DLGAP2: variants seen among roughly 807,000 people sequenced by gnomAD.
DLGAP2 encodes the protein disks large-associated protein 2.
Under a neutral mutation model 100.3 loss-of-function variants are expected in DLGAP2, and 26 were observed. The ratio of observed to expected loss-of-function variants is 0.26; its 90% CI spans 0.19 to 0.36. The LOEUF (loss-of-function observed/expected upper bound fraction) is 0.36. DLGAP2 is among the 10% of genes least tolerant of loss of function. The pLI, the probability that DLGAP2 is intolerant of heterozygous loss-of-function variation, is 1.00. For missense variants in DLGAP2, 1,858 were observed against 1,453.2 expected, an observed-to-expected ratio of 1.28 and a Z score of -4.53; for synonymous variants, 886 against 630.1, an observed-to-expected ratio of 1.41 and a Z score of -6.08.
chr8:1,217,812 A>G (rs1798242999), intron 2 of DLGAP2, among the ~76,000 whole-genome samples: 1 of 152,110 alleles, frequency 6.6e-6, no homozygotes. Flanking sequence ...CTGGTGTGAG[A>G]GGGTATCTCA....
intron 2 of DLGAP2, among the ~76,000 whole-genome samples, chr8:1,040,077 T>G (rs555852024): frequency 6.7e-6 from 1 of 149,554 alleles, no homozygotes; most frequent in East Asian, 2.0e-4. Context: ...TCGGTTTCCG[T>G]GGTCAGCTCG....
At chr8:815,031 C>T (rs574197247) in intron 1 of DLGAP2, among the ~76,000 whole-genome samples, 28 of 151,900 alleles carry the variant, frequency 1.8e-4, no homozygotes, top group South Asian at 4.2e-4. Flanking sequence ...GTTAACGGAG[C>T]GGATATATCT....
At chr8:761,494 A>C (rs866756853) in intron 1 of DLGAP2, among the ~76,000 whole-genome samples, 7 of 152,250 alleles carry the variant, frequency 4.6e-5, no homozygotes, top group African/African-American at 1.7e-4. Flanking sequence ...TTATATCTAC[A>C]TGGCGTTGCT....
chr8:1,540,325 T>C (rs1801319671), intron 4 of DLGAP2, among the ~76,000 whole-genome samples: 1 of 152,222 alleles, frequency 6.6e-6, no homozygotes, highest in Non-Finnish European at 1.5e-5. Flanking sequence ...ACCACCCAAC[T>C]GAAGGCTTTG....
At chr8:1,433,324 C>T (rs1382136625) in intron 3 of DLGAP2, among the ~76,000 whole-genome samples, 1 of 152,264 alleles carries the variant, frequency 6.6e-6, no homozygotes. Flanking sequence ...CTGTGGCCGT[C>T]AGGGGCATCC....
chr8:910,738 G>A (rs1798468071), intron 2 of DLGAP2, among the ~76,000 whole-genome samples: 2 of 152,166 alleles, frequency 1.3e-5, no homozygotes, highest in African/African-American at 4.8e-5. Context: ...CGTCTCAGGT[G>A]TCTGGATTTT....
intron 3 of DLGAP2, among the ~76,000 whole-genome samples, chr8:1,292,990 C>T (rs1009664307): frequency 2.0e-5 from 3 of 152,178 alleles, no homozygotes; most frequent in African/African-American, 4.8e-5. Flanking sequence ...GGCTGTTCCT[C>T]GTGTCTCTTT....
chr8:963,421 CTTAT>C (rs978281682), intron 2 of DLGAP2, among the ~76,000 whole-genome samples: 1 of 152,120 alleles, frequency 6.6e-6, no homozygotes, highest in Non-Finnish European at 1.5e-5. Context: ...ACTGCCTTTT[CTTAT>C]TTAATTACCA....
intron 2 of DLGAP2, among the ~76,000 whole-genome samples, chr8:1,089,400 C>G (rs1804097875): frequency 6.6e-6 from 1 of 152,234 alleles, no homozygotes; most frequent in Non-Finnish European, 1.5e-5. Context: ...TGCCCTCACT[C>G]ATAACCGTGG....
chr8:1,105,322 CTGTAGGGG>C (rs1163879009), intron 2 of DLGAP2, among the ~76,000 whole-genome samples: 1 of 152,238 alleles, frequency 6.6e-6, no homozygotes, highest in Admixed American at 6.5e-5. Context: ...GGCTGTGGAA[CTGTAGGGG>C]TCTCATGTTG....
intron 2 of DLGAP2, among the ~76,000 whole-genome samples, chr8:1,127,411 T>TCCCTTCGTGTGTGGAGGC (rs528159953): frequency 6.6e-6 from 1 of 151,608 alleles, no homozygotes; most frequent in African/African-American, 2.4e-5. Flanking sequence ...CGTGTAGAGG[T>TCCCTTCGTGTGTGGAGGC]CCCTTCGTGT....
chr8:1,204,719 A>G (rs772121228), intron 2 of DLGAP2, among the ~76,000 whole-genome samples: 1 of 152,186 alleles, frequency 6.6e-6, no homozygotes, highest in South Asian at 2.1e-4. Context: ...TGAGGGAGGG[A>G]TGGAGATGGA....
At chr8:1,034,495 C>T (rs1363680214) in intron 2 of DLGAP2, among the ~76,000 whole-genome samples, 1 of 75,552 alleles carries the variant, frequency 1.3e-5, no homozygotes, top group Non-Finnish European at 2.5e-5. Flanking sequence ...CTCATCCCGA[C>T]CCCGCGTGTC....
intron 4 of DLGAP2, among the ~76,000 whole-genome samples, chr8:1,513,827 C>T (rs181729458): frequency 8.6e-5 from 13 of 151,742 alleles, no homozygotes; most frequent in African/African-American, 3.1e-4. Flanking sequence ...GTCCAAGGTC[C>T]AACACGAAAC....
intron 1 of DLGAP2, among the ~76,000 whole-genome samples, chr8:899,386 G>A (rs929594114): frequency 6.6e-6 from 1 of 152,216 alleles, no homozygotes; most frequent in East Asian, 1.9e-4. Context: ...CTGCTGAGAA[G>A]GGCCTCAGTG....
At chr8:1,268,543 T>C (rs145832493) in intron 3 of DLGAP2, among the ~76,000 whole-genome samples, 30 of 152,306 alleles carry the variant, frequency 2.0e-4, no homozygotes, top group African/African-American at 5.8e-4. Flanking sequence ...GAGAACATCA[T>C]TCGTGCCATT....
chr8:808,664 C>T (rs951552176), intron 1 of DLGAP2, among the ~76,000 whole-genome samples: 43 of 152,132 alleles, frequency 2.8e-4, no homozygotes, highest in African/African-American at 9.9e-4. Flanking sequence ...CCAGGGTGGA[C>T]GGTAGTGCTG....
intron 2 of DLGAP2, among the ~76,000 whole-genome samples, chr8:971,360 G>T (rs1439672265): frequency 6.6e-6 from 1 of 152,276 alleles, no homozygotes; most frequent in African/African-American, 2.4e-5. Context: ...TGCTGAACTC[G>T]CTGAAAATTG....
intron 2 of DLGAP2, among the ~76,000 whole-genome samples, chr8:1,027,026 A>T (rs1456502209): frequency 1.3e-5 from 2 of 152,252 alleles, no homozygotes; most frequent in Admixed American, 6.5e-5. Flanking sequence ...GTTAGAAGTA[A>T]TTACCACACT....
Sources: allele counts gnomAD v4.1 joint callset (sites outside exome capture counted in the v4.1 genomes callset), GRCh38; gene constraint gnomAD v4.1.1; transcripts MANE v1.5; gene names NCBI Gene and HGNC (gene_info 2026-07-23, HGNC 2026-07-21).